ZNG1A: variants seen among roughly 807,000 people sequenced by gnomAD.
ZNG1A encodes Zn regulated GTPase metalloprotein activator 1A, also known as zinc-regulated GTPase metalloprotein activator 1A.
chr9:130,087 T>G, the ZNG1A span, among the ~76,000 whole-genome samples: 4 of 151,404 alleles, frequency 2.6e-5, 1 homozygote, highest in Admixed American at 1.3e-4. Flanking sequence ...CATCGTAATC[T>G]TATGCAGTCT....
the ZNG1A span, among the ~76,000 whole-genome samples, chr9:175,945 A>G: frequency 1.3e-5 from 2 of 150,238 alleles, no homozygotes; most frequent in Non-Finnish European, 3.0e-5. Context: ...ATCCTTCGAA[A>G]CCTGTTGCAA....
the ZNG1A span, chr9:166,380 T>A: frequency 7.6e-4 from 113 of 148,708 alleles, no homozygotes; most frequent in African/African-American, 2.7e-3. Flanking sequence ...GAGAGTGGAG[T>A]ATTAAAAATA....
the ZNG1A span, chr9:162,578 T>C: frequency 1.2e-5 from 12 of 1,023,022 alleles, no homozygotes; most frequent in East Asian, 2.4e-4. Context: ...AGTTCACAAA[T>C]ACTACTCAAT....
chr9:177,048 A>G, the ZNG1A span, among the ~76,000 whole-genome samples: 1 of 152,156 alleles, frequency 6.6e-6, no homozygotes, highest in East Asian at 1.9e-4. Flanking sequence ...TAGGAGATGC[A>G]CAAATTGCTA....
At chr9:157,096 T>A in the ZNG1A span, among the ~76,000 whole-genome samples, 1 of 133,312 alleles carries the variant, frequency 7.5e-6, no homozygotes, top group Admixed American at 7.7e-5. Flanking sequence ...GTGGGAAGGC[T>A]GATTCAGCCC....
the ZNG1A span, among the ~76,000 whole-genome samples, chr9:178,054 T>C: frequency 6.6e-6 from 1 of 150,398 alleles, no homozygotes; most frequent in Non-Finnish European, 1.5e-5. Context: ...AAACTTCTAA[T>C]ACAGCCATAT....
the ZNG1A span, among the ~76,000 whole-genome samples, chr9:142,212 T>G: frequency 6.9e-6 from 1 of 144,818 alleles, no homozygotes; most frequent in African/African-American, 2.7e-5. Context: ...TCTACAGAAC[T>G]CTCCACCCCA....
the ZNG1A span, among the ~76,000 whole-genome samples, chr9:138,852 C>T: frequency 6.7e-6 from 1 of 149,744 alleles, no homozygotes; most frequent in Non-Finnish European, 1.5e-5. Context: ...TGCAGTAAGC[C>T]ATGTTTGTGC....
the ZNG1A span, among the ~76,000 whole-genome samples, chr9:140,297 A>T: frequency 3.3e-5 from 5 of 150,358 alleles, no homozygotes; most frequent in Admixed American, 2.0e-4. Flanking sequence ...TGGTTCTCCC[A>T]GCACGCAGCT....
At chr9:146,826 A>G in the ZNG1A span, 1 of 146,546 alleles carries the variant, frequency 6.8e-6, no homozygotes, top group Non-Finnish European at 1.5e-5. Context: ...AAATATAAAA[A>G]AGCAAATTTA....
At chr9:127,550 A>C in the ZNG1A span, among the ~76,000 whole-genome samples, 1 of 152,178 alleles carries the variant, frequency 6.6e-6, no homozygotes, top group Non-Finnish European at 1.5e-5. Context: ...CCATCCCTTT[A>C]CCTTAAGTTT....
chr9:155,492 A>C, the ZNG1A span, among the ~76,000 whole-genome samples: 1 of 152,140 alleles, frequency 6.6e-6, no homozygotes, highest in Admixed American at 6.5e-5. Flanking sequence ...ATCACTATAA[A>C]TATACTGTAT....
chr9:173,681 C>A, the ZNG1A span, among the ~76,000 whole-genome samples: 1 of 152,022 alleles, frequency 6.6e-6, no homozygotes, highest in African/African-American at 2.4e-5. Context: ...TTTTTCTTGT[C>A]CAGGGTAAAC....
the ZNG1A span, chr9:121,338 G>A: frequency 5.3e-6 from 4 of 760,808 alleles, no homozygotes; most frequent in Non-Finnish European, 8.8e-6. Context: ...TTTTATGTAT[G>A]CTGTAAAACA....
chr9:144,685 A>C, the ZNG1A span, among the ~76,000 whole-genome samples: 2 of 151,990 alleles, frequency 1.3e-5, no homozygotes, highest in African/African-American at 4.8e-5. Flanking sequence ...CAAAAGCCAA[A>C]ATTGACAGAT....
the ZNG1A span, chr9:122,725 A>AACTG: frequency 1.3e-6 from 1 of 760,216 alleles, no homozygotes; most frequent in African/African-American, 1.9e-5. Flanking sequence ...GTAGACACTC[A>AACTG]ACTGACTGGT....
At chr9:159,778 T>G in the ZNG1A span, among the ~76,000 whole-genome samples, 1 of 151,924 alleles carries the variant, frequency 6.6e-6, no homozygotes, top group East Asian at 1.9e-4. Context: ...ATAAATCTAG[T>G]GTCAAAGATG....
At chr9:147,570 G>C in the ZNG1A span, 286 of 138,616 alleles carry the variant, frequency 2.1e-3, 1 homozygote, top group African/African-American at 8.4e-3. Context: ...GACTATAACA[G>C]CAACTCAAAT....
the ZNG1A span, among the ~76,000 whole-genome samples, chr9:145,106 A>C: frequency 6.8e-6 from 1 of 147,112 alleles, no homozygotes; most frequent in African/African-American, 2.5e-5. Context: ...GTGGGACTGT[A>C]AACTAGTTCA....
Sources: allele counts gnomAD v4.1 joint callset (sites outside exome capture counted in the v4.1 genomes callset), GRCh38; gene constraint gnomAD v4.1.1; transcripts MANE v1.5; gene names NCBI Gene and HGNC (gene_info 2026-07-23, HGNC 2026-07-21).